The following GALNT7 variants were observed in gnomAD, a reference collection of about 807,000 sequenced individuals.
GALNT7 encodes the protein N-acetylgalactosaminyltransferase 7.
A neutral mutation model predicts 82.1 loss-of-function variants in GALNT7; 60 were observed. The observed-to-expected ratio is 0.73, with a 90% CI of 0.59 to 0.91. The LOEUF is 0.91. Among genes scored for constraint, GALNT7 ranks in the 40% least tolerant of loss-of-function variants. The probability of loss-of-function intolerance (pLI) is 0.00; values close to 1 mark genes in which losing one functional copy is unlikely to be tolerated. For missense variants in GALNT7, 660 were observed against 804.2 expected (o/e 0.82, Z 2.17); for synonymous variants, 243 against 275.1 (o/e 0.88, Z 1.15).
rs1251319167 is a variant in GALNT7 at position 173,248,412 on chromosome 4, C to T, written c.559C>T (p.Arg187Cys). ...MVASDMISLDRSVNDLRQEEC... is the reference protein window; with the variant it reads ...MVASDMISLDCSVNDLRQEEC... ...GGCAAGTGACATGATCTCACTGGAC[C>T]GCAGCGTCAATGACTTACGCCAAGA... Residue 187 changes from arginine to cysteine, a missense_variant, in exon 2 of 12, where the codon CGC becomes TGC. This residue lies in a region of GALNT7 where 527 missense variants were observed against 683.5 expected (regional missense o/e 0.77). Transcript: ENST00000265000. 1.4e-5 allele frequency: 22 copies of T among 1,610,580 alleles called. No individual in the cohort carries two copies. Among genetic ancestry groups the T allele is most frequent in the East Asian group, 2.2e-5 (1 of 44,872 alleles).
chr4:173,172,077 GA>G (rs1305267517), intron 1 of GALNT7, among the ~76,000 whole-genome samples: 14 of 152,194 alleles, frequency 9.2e-5, no homozygotes, highest in Non-Finnish European at 1.9e-4. Context: ...GAGCAGGAGT[GA>G]GAGTATTAAA....
At chr4:173,267,407 T>C (rs932352979) in intron 2 of GALNT7, among the ~76,000 whole-genome samples, 1 of 152,154 alleles carries the variant, frequency 6.6e-6, no homozygotes, top group African/African-American at 2.4e-5. Context: ...AACTGAAGGA[T>C]GGCAAATTTC....
rs1737770650 is a variant in GALNT7 at position 173,320,470 on chromosome 4, A to C, written c.1837-1110A>C. ...AAGAATGGAATTCTGTATTTTTGCA[A>C]ATCTCTTTAATGTCTGGTTTAATAG... On this transcript the variant is annotated intron_variant, in intron 11 of 11. Transcript: ENST00000265000. The surrounding 1 kb of genome is among the most constrained non-coding windows in gnomAD (Gnocchi z 4.1). Among the ~76,000 whole-genome samples, 1 of 152,094 alleles carries C rather than the reference A, an allele frequency of 6.6e-6. No individual in the cohort carries two copies. The highest frequency in any genetic ancestry group is 2.4e-5 in the African/African-American group (1 of 41,434).
chr4:173,294,772 T>C (rs2126833926), intron 3 of GALNT7, among the ~76,000 whole-genome samples: 1 of 152,260 alleles, frequency 6.6e-6, no homozygotes, highest in Admixed American at 6.5e-5. Context: ...CAAACACATA[T>C]ATACATATAT....
chr4:173,229,714 A>G (rs577094057), intron 1 of GALNT7, among the ~76,000 whole-genome samples: 1 of 152,190 alleles, frequency 6.6e-6, no homozygotes, highest in Non-Finnish European at 1.5e-5. Context: ...CGTATGATGC[A>G]GGCAGAATCA....
intron 6 of GALNT7, among the ~76,000 whole-genome samples, chr4:173,299,206 T>C (rs1369373961): frequency 6.6e-6 from 1 of 152,194 alleles, no homozygotes; most frequent in Admixed American, 6.5e-5. Flanking sequence ...TTTGGGCATG[T>C]CATGATATCA....
chr4:173,223,363 G>T (rs913391638), intron 1 of GALNT7, among the ~76,000 whole-genome samples: 3 of 151,968 alleles, frequency 2.0e-5, no homozygotes, highest in African/African-American at 7.3e-5. Context: ...TAATTAGCAA[G>T]ATTTTTATAT....
intron 1 of GALNT7, among the ~76,000 whole-genome samples, chr4:173,226,340 T>C (rs1006542617): frequency 2.6e-5 from 4 of 152,222 alleles, no homozygotes; most frequent in African/African-American, 9.7e-5. Context: ...CCGTGCCTTA[T>C]ATTACATCGG....
Position 173,288,301 on chromosome 4 carries a change from A to G in GALNT7, c.588-3807A>G, listed in dbSNP as rs1040897428. Among the ~76,000 whole-genome samples, 219 of 148,358 alleles carry G rather than the reference A, an allele frequency of 1.5e-3. 5 individuals carry two copies. Among genetic ancestry groups the G allele is most frequent in the African/African-American group, 4.4e-3 (170 of 38,650 alleles). On this transcript the variant is annotated intron_variant, in intron 2 of 11. Transcript: ENST00000265000. ...CCATCTCAAAAAAAAAAAAAAAAAA[A>G]AAAAGAAAAGAACATATGAATTGAA...
At chr4:173,234,977 A>G (rs2126715516) in intron 1 of GALNT7, among the ~76,000 whole-genome samples, 1 of 152,326 alleles carries the variant, frequency 6.6e-6, no homozygotes, top group South Asian at 2.1e-4. Flanking sequence ...TACAGCCTGC[A>G]GAACTGTGAG....
chr4:173,307,244 G>A (rs1737192225), intron 8 of GALNT7, among the ~76,000 whole-genome samples: 2 of 152,250 alleles, frequency 1.3e-5, no homozygotes, highest in African/African-American at 4.8e-5. Flanking sequence ...CCCTTGTAGA[G>A]TGGCTGGGGA....
intron 1 of GALNT7, among the ~76,000 whole-genome samples, chr4:173,173,067 GA>G (rs1211324312): frequency 6.6e-6 from 1 of 151,984 alleles, no homozygotes; most frequent in Non-Finnish European, 1.5e-5. Flanking sequence ...GGTAGAGATA[GA>G]AAAAAATAAA....
intron 1 of GALNT7, among the ~76,000 whole-genome samples, chr4:173,236,445 T>G (rs1001893086): frequency 6.6e-6 from 1 of 152,226 alleles, no homozygotes; most frequent in Non-Finnish European, 1.5e-5. Context: ...ACATCTTGGC[T>G]TCTCTTCCCA....
rs1319875721 is a variant in GALNT7, at chr4:173,182,933, C to CACACACACAA, written c.126+13981_126+13982insAACACACACA. On this transcript the variant is annotated intron_variant, in intron 1 of 11. Coordinates refer to ENST00000265000, the MANE Select transcript of GALNT7 (RefSeq NM_017423.3). ...TAGCAGGTTACTCATAATACACACACACACACACACACACTCTGCTTTTTC... is the reference window on the plus strand; with the variant it reads ...TAGCAGGTTACTCATAATACACACACACACACACAAACACACACACACACTCTGCTTTTTC... Among the ~76,000 whole-genome samples, 18 of 150,282 alleles carry CACACACACAA rather than the reference C, an allele frequency of 1.2e-4. 1 individual carries two copies. Among genetic ancestry groups the CACACACACAA allele is most frequent in the African/African-American group, 4.5e-4 (18 of 40,396 alleles).
chr4:173,208,729 A>G (rs1733179965), intron 1 of GALNT7, among the ~76,000 whole-genome samples: 1 of 152,046 alleles, frequency 6.6e-6, no homozygotes, highest in African/African-American at 2.4e-5. Context: ...CCGTCTTTTT[A>G]TTTAAATGGT....
At chr4:173,210,567 C>T (rs550487613) in intron 1 of GALNT7, among the ~76,000 whole-genome samples, 7 of 152,146 alleles carry the variant, frequency 4.6e-5, no homozygotes, top group Non-Finnish European at 8.8e-5. Flanking sequence ...GATCCACCTG[C>T]CTCGGCCTCC....
chr4:173,200,496 G>T (rs1441422229), intron 1 of GALNT7, among the ~76,000 whole-genome samples: 1 of 151,744 alleles, frequency 6.6e-6, no homozygotes, highest in Admixed American at 6.6e-5. Flanking sequence ...TTTATTCTGG[G>T]GAAGCCTAAT....
At chr4:173,178,048 T>TGCGCGCGCGCGCGCACGC (rs566263598) in intron 1 of GALNT7, among the ~76,000 whole-genome samples, 1 of 113,698 alleles carries the variant, frequency 8.8e-6, no homozygotes, top group Non-Finnish European at 1.9e-5. Context: ...TGTGTGTGTG[T>TGCGCGCGCGCGCGCACGC]GTGTGCGCGC....
At chr4:173,204,427 C>T (rs1733029334) in intron 1 of GALNT7, among the ~76,000 whole-genome samples, 1 of 152,134 alleles carries the variant, frequency 6.6e-6, no homozygotes, top group African/African-American at 2.4e-5. Context: ...GCTTACTGAG[C>T]CTTTGACTCT....
Sources: allele counts gnomAD v4.1 joint callset (sites outside exome capture counted in the v4.1 genomes callset), GRCh38; gene constraint gnomAD v4.1.1; regional missense constraint gnomAD v4.1.1; non-coding constraint Gnocchi (gnomAD v3.1); transcripts MANE v1.5; gene names NCBI Gene and HGNC (gene_info 2026-07-23, HGNC 2026-07-21).